The following PLXNA4 variants were observed in gnomAD, a reference collection of about 807,000 sequenced individuals.
PLXNA4 encodes plexin-A4.
PLXNA4 carries 44 observed loss-of-function variants against 191.8 expected under a neutral mutation model. The observed-to-expected ratio is 0.23, with a 90% CI of 0.18 to 0.29. The LOEUF is 0.29. Ranked by LOEUF, PLXNA4 falls within the 10% of genes least tolerant of loss-of-function variation. PLXNA4 has a pLI of 1.00. For synonymous variants in PLXNA4, 1,082 were observed against 1,009.5 expected (o/e 1.07, Z -1.36); for missense variants, 1,800 against 2,488.8 (o/e 0.72, Z 5.89).
intron 3 of PLXNA4, among the ~76,000 whole-genome samples, chr7:132,356,896 T>C (rs948591774): frequency 6.6e-6 from 1 of 152,172 alleles, no homozygotes; most frequent in African/African-American, 2.4e-5. Context: ...AAGGAACATG[T>C]ATTAGAGAGT....
intron 1 of PLXNA4, among the ~76,000 whole-genome samples, chr7:132,560,046 T>C (rs1800970518): frequency 6.6e-6 from 1 of 152,332 alleles, no homozygotes; most frequent in Admixed American, 6.5e-5. Context: ...CGCCAGGTCC[T>C]ACCTGCAGGC....
At chr7:132,497,027 A>G (rs1798046494) in intron 2 of PLXNA4, among the ~76,000 whole-genome samples, 1 of 152,190 alleles carries the variant, frequency 6.6e-6, no homozygotes, top group Admixed American at 6.5e-5. Flanking sequence ...TGAGCTGCCT[A>G]TTGATACAGA....
At chr7:132,244,560 C>A (rs1798985326) in intron 4 of PLXNA4, among the ~76,000 whole-genome samples, 3 of 152,128 alleles carry the variant, frequency 2.0e-5, no homozygotes. Context: ...AATTGGGGAG[C>A]CAACAGGATT....
intron 3 of PLXNA4, among the ~76,000 whole-genome samples, chr7:132,309,878 A>G (rs1343061600): frequency 1.3e-5 from 2 of 152,194 alleles, no homozygotes; most frequent in Non-Finnish European, 2.9e-5. Flanking sequence ...CAGAGACTCA[A>G]TAAATCAACT....
At chr7:132,347,036 T>A (rs1394133866) in intron 3 of PLXNA4, among the ~76,000 whole-genome samples, 1 of 152,190 alleles carries the variant, frequency 6.6e-6, no homozygotes, top group Admixed American at 6.5e-5. Context: ...ACATGGATGT[T>A]CCTCTGATTC....
chr7:132,419,175 G>A (rs1419157842), intron 3 of PLXNA4, among the ~76,000 whole-genome samples: 1 of 152,152 alleles, frequency 6.6e-6, no homozygotes. Context: ...CTCTTTAAGT[G>A]GGAGAAAATT....
intron 1 of PLXNA4, among the ~76,000 whole-genome samples, chr7:132,575,961 G>T (rs1342444041): frequency 6.6e-6 from 1 of 152,096 alleles, no homozygotes; most frequent in East Asian, 1.9e-4. Flanking sequence ...GAAATCCCAG[G>T]GTGTCCAAAG....
intron 3 of PLXNA4, among the ~76,000 whole-genome samples, chr7:132,421,628 C>T (rs983162665): frequency 6.6e-6 from 1 of 151,726 alleles, no homozygotes; most frequent in African/African-American, 2.4e-5. Flanking sequence ...TAACTACCTT[C>T]TATATAATGA....
chr7:132,557,382 A>G (rs1487321730), intron 1 of PLXNA4, among the ~76,000 whole-genome samples: 1 of 152,162 alleles, frequency 6.6e-6, no homozygotes, highest in Admixed American at 6.5e-5. Context: ...CTCAGAGAAA[A>G]GAGGTGGCAG....
At chr7:132,355,596 T>C (rs1363919293) in intron 3 of PLXNA4, among the ~76,000 whole-genome samples, 1 of 152,168 alleles carries the variant, frequency 6.6e-6, no homozygotes, top group Non-Finnish European at 1.5e-5. Flanking sequence ...GGCACTGCCC[T>C]AGGAATGAGA....
At position 132,531,210 on chromosome 7, in the gene PLXNA4, T is replaced by C. The variant is rs1799604523; in HGVS notation, c.-86-22431A>G. On this transcript the variant is annotated intron_variant, in intron 1 of 31. Transcript: ENST00000321063. The stretch of plus-strand genomic sequence containing the variant: ...CACTGAATTTTACGCTTAAAATGGT[T>C]AAAATGGAAAATTTTATGTTTTATG... Among the ~76,000 whole-genome samples, 5 of 152,344 alleles carry C rather than the reference T, an allele frequency of 3.3e-5. No individual in the cohort carries two copies. In the South Asian group the frequency reaches 1.0e-3, roughly 32 times the overall value.
intron 2 of PLXNA4, among the ~76,000 whole-genome samples, chr7:132,635,522 T>A (rs1257633757): frequency 6.6e-6 from 1 of 152,108 alleles, no homozygotes; most frequent in Non-Finnish European, 1.5e-5. Flanking sequence ...ACACACGATG[T>A]TCCCAGCAAT....
At chr7:132,162,800 C>A (rs1468019525) in intron 24 of PLXNA4, among the ~76,000 whole-genome samples, 2 of 152,044 alleles carry the variant, frequency 1.3e-5, no homozygotes, top group Non-Finnish European at 2.9e-5. Flanking sequence ...CTGGGATTCC[C>A]GGGGCTTTTG....
At chr7:132,234,401 G>T (rs2117009652) in intron 5 of PLXNA4, among the ~76,000 whole-genome samples, 1 of 152,304 alleles carries the variant, frequency 6.6e-6, no homozygotes, top group African/African-American at 2.4e-5. Flanking sequence ...AATGAAGTGT[G>T]TGAATGCTGG....
chr7:132,441,088 G>A (rs1795682339), intron 3 of PLXNA4, among the ~76,000 whole-genome samples: 1 of 152,160 alleles, frequency 6.6e-6, no homozygotes, highest in South Asian at 2.1e-4. Context: ...ATATAATATA[G>A]GAACAGTAGA....
chr7:132,504,400 T>A (rs553534015), intron 2 of PLXNA4, among the ~76,000 whole-genome samples: 9 of 152,276 alleles, frequency 5.9e-5, no homozygotes, highest in African/African-American at 2.2e-4. Context: ...GTTTTGCGGA[T>A]CCCGGCTCTG....
At chr7:132,227,905 C>A (rs139169603) in intron 6 of PLXNA4, among the ~76,000 whole-genome samples, 74 of 152,278 alleles carry the variant, frequency 4.9e-4, no homozygotes, top group African/African-American at 1.7e-3. Context: ...TGAGGCATGG[C>A]TGATGGAGCA....
intron 3 of PLXNA4, among the ~76,000 whole-genome samples, chr7:132,403,741 G>A (rs558483216): frequency 2.0e-4 from 31 of 152,268 alleles, no homozygotes; most frequent in African/African-American, 7.2e-4. Flanking sequence ...CACTTTGTGG[G>A]GTGGGAGGGA....
chr7:132,231,871 A>G (rs2116998320), intron 5 of PLXNA4, among the ~76,000 whole-genome samples: 1 of 152,342 alleles, frequency 6.6e-6, no homozygotes, highest in East Asian at 1.9e-4. Context: ...GGTCTGGATC[A>G]TAGCTCTGTT....
Sources: allele counts gnomAD v4.1 joint callset (sites outside exome capture counted in the v4.1 genomes callset), GRCh38; gene constraint gnomAD v4.1.1; transcripts MANE v1.5; gene names NCBI Gene and HGNC (gene_info 2026-07-23, HGNC 2026-07-21).